The following SLC25A3 variants were observed in gnomAD, a reference collection of about 807,000 sequenced individuals.
SLC25A3 encodes phosphate transport protein.
A neutral mutation model predicts 37.1 loss-of-function variants in SLC25A3; 14 were observed. The ratio of observed to expected loss-of-function variants is 0.38; its 90% CI spans 0.25 to 0.59. The LOEUF (loss-of-function observed/expected upper bound fraction) is 0.59, where lower values mean the gene tolerates loss of function less well. SLC25A3 is among the 20% of genes least tolerant of loss of function. The pLI is 0.67. For missense variants in SLC25A3, 385 were observed against 458.1 expected (o/e 0.84, Z 1.46); for synonymous variants, 161 against 168.7 (o/e 0.95, Z 0.36).
rs2097600250 is a variant in SLC25A3 at position 98,604,618 on chromosome 12, G to A, written c.*3090G>A. 1 of 151,872 alleles carries A rather than the reference G, an allele frequency of 6.6e-6. No individual in the cohort carries two copies. 9.4% of individuals were successfully genotyped at this position (151,872 alleles called of 1,614,324 possible). A position where few individuals can be genotyped will look rare whatever the true frequency, so the allele number is the denominator to read the frequency against. ...AGCCTCCCAGTTAGCTGACACAATT[G>A]GGATGTGCCACTACTTGCTCCTGTT... On this transcript the variant is annotated 3_prime_UTR_variant, in exon 8 of 8. Transcript: ENST00000552981.
At position 98,601,387 on chromosome 12, in the gene SLC25A3, T is replaced by A. The variant is rs751633669; in HGVS notation, c.945T>A (p.Phe315Leu). The A allele has an allele frequency of 5.0e-6, 8 of 1,614,116 alleles. No individual in the cohort carries two copies. Among genetic ancestry groups the A allele is most frequent in the Non-Finnish European group, 6.8e-6 (8 of 1,180,008 alleles). Reference sequence around the variant, plus strand: ...AACCAGGTGTATGGAAGGGACTGTTTGCCCGTATCATCATGATTGGTACCC... The same window carrying A: ...AACCAGGTGTATGGAAGGGACTGTTAGCCCGTATCATCATGATTGGTACCC... ...LGFKGVWKGL[F>L]ARIIMIGTLT... The change falls in exon 8 of 8, where the codon TTT becomes TTA. Residue 315 changes from phenylalanine (F) to leucine (L), a missense_variant. Transcript: ENST00000552981.
Position 98,593,968 on chromosome 12 carries a change from C to A in SLC25A3, c.-4-7C>A. 2 of 1,613,892 alleles carry A rather than the reference C, an allele frequency of 1.2e-6. No individual in the cohort carries two copies. The highest frequency in any genetic ancestry group is 1.7e-6 in the Non-Finnish European group (2 of 1,179,906). The stretch of plus-strand genomic sequence containing the variant: ...TGTCCTCTAACCGTCGCTCCCTCCT[C>A]CCCTAGAAAGATGTTCTCGTCCGTG... On this transcript the variant is annotated splice_region_variant and splice_polypyrimidine_tract_variant and intron_variant, in intron 1 of 7. Transcript: ENST00000552981.
chr12:98,598,375 T>G, intron 4 of SLC25A3, 147 bp from the exon 5 acceptor site: 23 of 1,206,096 alleles, frequency 1.9e-5, no homozygotes, highest in Non-Finnish European at 2.5e-5. Flanking sequence ...GTTTTGTTAA[T>G]GAGGTTATGA....
At chr12:98,594,222 G>T in intron 2 of SLC25A3, 87 bp downstream of exon 2, 1 of 1,128,584 alleles carries the variant, frequency 8.9e-7, no homozygotes. Context: ...TGGAGGACAG[G>T]GAAGGACGAG....
chr12:98,601,801 CA>C lies in SLC25A3; in HGVS notation c.*277del, dbSNP rs1275325136. On this transcript the variant is annotated 3_prime_UTR_variant, in exon 8 of 8. Transcript: ENST00000552981. ...AAGTATATAAGTTAAGGAAAAAATACAAAACTGACCATGACCATTGTTGGTT... is the reference window on the plus strand; with the variant it reads ...AAGTATATAAGTTAAGGAAAAAATACAAACTGACCATGACCATTGTTGGTT... 2.6e-6 allele frequency: 1 copy of C among 387,044 alleles called. No homozygotes were observed. The highest frequency in any genetic ancestry group is 4.2e-5 in the Admixed American group (1 of 23,802). The allele number at this position is 387,044 out of a possible 1,614,324, so 24.0% of individuals were successfully genotyped here. A position where few individuals can be genotyped will look rare whatever the true frequency, so the allele number is the denominator to read the frequency against.
At position 98,593,710 on chromosome 12, in the gene SLC25A3, G is replaced by C. The variant is rs1456319441; in HGVS notation, c.-35G>C. ...CCTCTGTGAGCCGCAACCTTTCCAA[G>C]GGAGTGGTTGTGTGATCGCCATCTT... is the stretch of plus-strand genomic sequence containing the variant. On this transcript the variant is annotated 5_prime_UTR_variant, in exon 1 of 8. Coordinates refer to ENST00000552981, the MANE Select transcript of SLC25A3 (RefSeq NM_002635.4). The C allele has an allele frequency of 1.8e-6, 1 of 558,434 alleles. No individual in the cohort carries two copies. The highest frequency in any genetic ancestry group is 3.2e-6 in the Non-Finnish European group (1 of 310,282). 34.6% of individuals were successfully genotyped at this position (558,434 alleles called of 1,614,324 possible).
intron 6 of SLC25A3, among the ~76,000 whole-genome samples, chr12:98,600,701 C>T (rs2097597168): frequency 1.3e-5 from 2 of 152,242 alleles, no homozygotes; most frequent in East Asian, 1.9e-4. Flanking sequence ...CGTGAGCCAC[C>T]GCGCCTGGCC....
At chr12:98,595,518 A>T in intron 2 of SLC25A3, 1 of 1,614,124 alleles carries the variant, frequency 6.2e-7, no homozygotes, top group Non-Finnish European at 8.5e-7. Context: ...CAACACATAC[A>T]GCATTGGTTC....
At chr12:98,597,824 A>C in intron 3 of SLC25A3, 32 bp from the exon 4 acceptor site, 1 of 1,605,326 alleles carries the variant, frequency 6.2e-7, no homozygotes, top group Non-Finnish European at 8.5e-7. Flanking sequence ...TGTTTGGTGC[A>C]TTTAATTTTT....
intron 3 of SLC25A3, among the ~76,000 whole-genome samples, 200 bp downstream of exon 3, chr12:98,596,048 C>T (rs1467685344): frequency 6.6e-6 from 1 of 152,176 alleles, no homozygotes; most frequent in East Asian, 1.9e-4. Flanking sequence ...AAATTGTTCA[C>T]TTTTAGAGTC....
Position 98,604,889 on chromosome 12 carries a change from AT to A in SLC25A3, c.*3362del, listed in dbSNP as rs1347916417. On this transcript the variant is annotated 3_prime_UTR_variant, in exon 8 of 8. Coordinates refer to ENST00000552981, the MANE Select transcript of SLC25A3 (RefSeq NM_002635.4). ...TGATCCTCCCACCTCAGCCTCTTGA[AT>A]AACTGGGACTGCAAGTGTGGACCAC... 2.0e-5 allele frequency: 3 copies of A among 152,646 alleles called. No individual in the cohort carries two copies. Among genetic ancestry groups the A allele is most frequent in the African/African-American group, 7.2e-5 (3 of 41,426 alleles). The allele number at this position is 152,646 out of a possible 1,614,324, so 9.5% of individuals were successfully genotyped here.
intron 5 of SLC25A3, among the ~76,000 whole-genome samples, 174 bp downstream of exon 5, chr12:98,598,877 G>A (rs1454856837): frequency 1.5e-4 from 23 of 151,596 alleles, no homozygotes; most frequent in African/African-American, 5.1e-4. Flanking sequence ...CCGGGTTCAC[G>A]CCATTCTCCT....
chr12:98,598,816 C>G, intron 5 of SLC25A3, 113 bp downstream of exon 5: 1 of 1,045,516 alleles, frequency 9.6e-7, no homozygotes, highest in Non-Finnish European at 1.4e-6. Context: ...CGCTCTGTCA[C>G]CCAGGCTGGA....
Position 98,601,829 on chromosome 12 carries a change from A to G in SLC25A3, c.*301A>G, listed in dbSNP as rs991700176. On this transcript the variant is annotated 3_prime_UTR_variant, in exon 8 of 8. Transcript: ENST00000552981. Reference sequence around the variant, plus strand: ...AACTGACCATGACCATTGTTGGTTGAATATTCCAGTTGCTATTCAGAAATT... The same window carrying G: ...AACTGACCATGACCATTGTTGGTTGGATATTCCAGTTGCTATTCAGAAATT... The G allele has an allele frequency of 1.3e-5, 4 of 307,920 alleles. No homozygotes were observed. Among genetic ancestry groups the G allele is most frequent in the African/African-American group, 6.5e-5 (3 of 46,108 alleles). 19.1% of individuals were successfully genotyped at this position (307,920 alleles called of 1,614,324 possible). A position where few individuals can be genotyped will look rare whatever the true frequency, so the allele number is the denominator to read the frequency against.
At chr12:98,600,184 T>G in intron 6 of SLC25A3, 57 bp downstream of exon 6, 1 of 1,261,842 alleles carries the variant, frequency 7.9e-7, no homozygotes, top group Non-Finnish European at 1.2e-6. Flanking sequence ...TCATTTCCAT[T>G]ATTGGCGTTT....
Position 98,598,682 on chromosome 12 carries a change from A to AT in SLC25A3, c.621dup (p.Lys208Ter). The stretch of plus-strand genomic sequence containing the variant: ...TTGAGGGATGCAGCTCCCAAAATGT[A>AT]TAAGGAAGAAGGCCTAAAAGCGTAA... On this transcript the variant is annotated frameshift_variant, in exon 5 of 8. Coordinates refer to ENST00000552981, the MANE Select transcript of SLC25A3 (RefSeq NM_002635.4). LOFTEE classifies it high-confidence loss of function. 1 of 1,614,012 alleles carries AT rather than the reference A, an allele frequency of 6.2e-7. No individual in the cohort carries two copies. The highest frequency in any genetic ancestry group is 8.5e-7 in the Non-Finnish European group (1 of 1,179,864).
chr12:98,595,620 TA>T (rs2097592388), intron 2 of SLC25A3, 106 bp from the exon 3 acceptor site: 1 of 1,611,372 alleles, frequency 6.2e-7, no homozygotes. Flanking sequence ...TTATAAGATA[TA>T]GTCATCTAAC....
rs371015380 is a variant in SLC25A3 at position 98,599,931 on chromosome 12, A to G, written c.642-24A>G. 6 of 1,613,072 alleles carry G rather than the reference A, an allele frequency of 3.7e-6. No homozygotes were observed. In the African/African-American group the frequency reaches 4.0e-5, roughly 11 times the overall value. On this transcript the variant is annotated intron_variant, in intron 5 of 7. Coordinates refer to ENST00000552981, the MANE Select transcript of SLC25A3 (RefSeq NM_002635.4). Reference sequence around the variant, plus strand: ...GATAGATGAGTGTATGCAACTGTGTAAAACAAGTCTCTTGATTTCCTAGAT... The same window carrying G: ...GATAGATGAGTGTATGCAACTGTGTGAAACAAGTCTCTTGATTTCCTAGAT...
chr12:98,602,214 G>A lies in SLC25A3; in HGVS notation c.*686G>A, dbSNP rs1357999195. Reference sequence around the variant, plus strand: ...GGAGTTTCACTCTTGTTGCCCAGACGAGTGTAGTGTCGCGATCTCGCCTCA... The same window carrying A: ...GGAGTTTCACTCTTGTTGCCCAGACAAGTGTAGTGTCGCGATCTCGCCTCA... On this transcript the variant is annotated 3_prime_UTR_variant, in exon 8 of 8. Transcript: ENST00000552981. 6.6e-6 allele frequency: 1 copy of A among 152,204 alleles called. No homozygotes were observed. Among genetic ancestry groups the A allele is most frequent in the Non-Finnish European group, 1.5e-5 (1 of 68,428 alleles). 9.4% of individuals were successfully genotyped at this position (152,204 alleles called of 1,614,324 possible). A position where few individuals can be genotyped will look rare whatever the true frequency, so the allele number is the denominator to read the frequency against.
Sources: gnomAD v4.1 joint callset for allele counts (sites outside exome capture counted in the v4.1 genomes callset) on GRCh38, gnomAD v4.1.1 for gene constraint, MANE v1.5 for transcripts, NCBI Gene and HGNC (gene_info 2026-07-23, HGNC 2026-07-21) for gene names.